Variants in DYNC1I1 observed in about 807,000 individuals in gnomAD.
DYNC1I1 encodes the protein dynein cytoplasmic 1 intermediate chain 1, also known as cytoplasmic dynein 1 intermediate chain 1.
A neutral mutation model predicts 86.6 loss-of-function variants in DYNC1I1; 43 were observed. The observed-to-expected ratio is 0.50, with a 90% CI of 0.39 to 0.64. DYNC1I1 has a LOEUF of 0.64. DYNC1I1 is among the 30% of genes least tolerant of loss of function. DYNC1I1 has a pLI of 0.00. For synonymous variants in DYNC1I1, 262 were observed against 283.7 expected, an observed-to-expected ratio of 0.92 and a Z score of 0.77; for missense variants, 604 against 788.8, an observed-to-expected ratio of 0.77 and a Z score of 2.81.
intron 6 of DYNC1I1, among the ~76,000 whole-genome samples, chr7:95,891,212 T>A (rs1026744364): frequency 6.6e-6 from 1 of 152,166 alleles, no homozygotes; most frequent in Non-Finnish European, 1.5e-5. Context: ...TGCTGACACC[T>A]TCACTTGGAT....
chr7:96,106,919 CT>C (rs1408913641), intron 16 of DYNC1I1, among the ~76,000 whole-genome samples: 4 of 152,028 alleles, frequency 2.6e-5, no homozygotes, highest in Admixed American at 6.6e-5. Flanking sequence ...GTTCTATAAA[CT>C]TTTTTTATTT....
At chr7:96,041,622 G>C (rs7795963) in intron 14 of DYNC1I1, among the ~76,000 whole-genome samples, 40,048 of 152,024 alleles carry the variant, frequency 0.26, 5,339 homozygotes, top group East Asian at 0.33. Flanking sequence ...CCACCCAAGA[G>C]AGTAACATTA....
At chr7:95,792,524 A>T (rs577884147) in intron 1 of DYNC1I1, among the ~76,000 whole-genome samples, 2 of 152,282 alleles carry the variant, frequency 1.3e-5, no homozygotes, top group South Asian at 2.1e-4. Context: ...CTTAGATAAT[A>T]CTTGTTTTGG....
rs139011107 is a variant in DYNC1I1, at chr7:95,828,970, A to G, written c.374+854A>G. 4.8e-3 allele frequency among the ~76,000 whole-genome samples: 726 copies of G among 152,276 alleles called. 5 individuals are homozygous for G. The highest frequency in any genetic ancestry group is 0.017 in the African/African-American group (697 of 41,560). On this transcript the variant is annotated intron_variant, in intron 5 of 16. Transcript: ENST00000447467. ...AATCAGCCACGGTGGAAGTATTTAC[A>G]CCACAGAAATTGCCTCCTTTCCTAC...
chr7:95,882,540 T>C (rs978182008), intron 6 of DYNC1I1, among the ~76,000 whole-genome samples: 16 of 152,202 alleles, frequency 1.1e-4, no homozygotes, highest in Admixed American at 9.8e-4. Flanking sequence ...CTTCAGGTGC[T>C]CTGAATAAGT....
chr7:95,977,400 A>C, intron 6 of DYNC1I1, 112 bp from the exon 7 acceptor site: 1 of 809,038 alleles, frequency 1.2e-6, no homozygotes, highest in South Asian at 1.9e-5. Context: ...ATTTACTTAG[A>C]TGTTGCCCTA....
chr7:95,888,541 C>T (rs568815390), intron 6 of DYNC1I1, among the ~76,000 whole-genome samples: 1 of 152,094 alleles, frequency 6.6e-6, no homozygotes, highest in Non-Finnish European at 1.5e-5. Flanking sequence ...GTGTCTTTGC[C>T]ACCATTGACC....
At chr7:95,869,369 TGTTA>T (rs1420424975) in intron 5 of DYNC1I1, among the ~76,000 whole-genome samples, 2 of 152,202 alleles carry the variant, frequency 1.3e-5, no homozygotes, top group African/African-American at 2.4e-5. Flanking sequence ...TGCTAATCTG[TGTTA>T]GTTCCTATTC....
At chr7:95,860,029 AG>A (rs1157430167) in intron 5 of DYNC1I1, among the ~76,000 whole-genome samples, 1 of 152,126 alleles carries the variant, frequency 6.6e-6, no homozygotes, top group Non-Finnish European at 1.5e-5. Flanking sequence ...TGCTACAACC[AG>A]GTTCTATGAT....
Position 95,987,140 on chromosome 7 carries a change from G to A in DYNC1I1, c.828G>A (p.Met276Ile). ...CCAAGCATCGAGTGGTCACTTGTATGGACTGGTCCCTCCAGGTAAGAATTA... is the reference window on the plus strand; with the variant it reads ...CCAAGCATCGAGTGGTCACTTGTATAGACTGGTCCCTCCAGGTAAGAATTA... ...HWSKHRVVTC[M>I]DWSLQYPELM... The change falls in exon 9 of 17, where the codon ATG becomes ATA. Residue 276 changes from methionine (M) to isoleucine (I), a missense_variant. Physicochemically the swap from Met to Ile is conservative, Grantham distance 10. Transcript: ENST00000447467. The A allele has an allele frequency of 6.2e-7, 1 of 1,613,832 alleles. No homozygotes were observed. The highest frequency in any genetic ancestry group is 8.5e-7 in the Non-Finnish European group (1 of 1,179,824).
At chr7:95,790,970 C>T (rs773858400) in intron 1 of DYNC1I1, among the ~76,000 whole-genome samples, 1 of 152,022 alleles carries the variant, frequency 6.6e-6, no homozygotes, top group Non-Finnish European at 1.5e-5. Flanking sequence ...CAAATTCATA[C>T]GTATTTTGTA....
At chr7:95,827,201 T>A (rs570686191) in intron 4 of DYNC1I1, among the ~76,000 whole-genome samples, 1 of 152,282 alleles carries the variant, frequency 6.6e-6, no homozygotes, top group African/African-American at 2.4e-5. Context: ...AAGATTTGAA[T>A]CACAGATGCC....
chr7:95,982,583 G>A (rs987850042), intron 7 of DYNC1I1, among the ~76,000 whole-genome samples: 2 of 151,904 alleles, frequency 1.3e-5, no homozygotes, highest in African/African-American at 4.8e-5. Context: ...AAATAGAAGT[G>A]GCTCAAAAAG....
intron 10 of DYNC1I1, among the ~76,000 whole-genome samples, chr7:96,007,637 T>C (rs968988247): frequency 1.4e-4 from 21 of 152,084 alleles, no homozygotes; most frequent in Admixed American, 3.3e-4. Flanking sequence ...TTTTCATTGT[T>C]ACCTACATAA....
At chr7:95,906,852 C>T (rs1292757025) in intron 6 of DYNC1I1, among the ~76,000 whole-genome samples, 1 of 152,022 alleles carries the variant, frequency 6.6e-6, no homozygotes, top group East Asian at 1.9e-4. Context: ...CATTGGGCAG[C>T]CCAGTCTTCA....
chr7:96,031,844 T>C (rs528010815), intron 11 of DYNC1I1, among the ~76,000 whole-genome samples: 3 of 152,294 alleles, frequency 2.0e-5, no homozygotes, highest in South Asian at 2.1e-4. Flanking sequence ...GTTCTGCTCA[T>C]AGTAACCTTC....
intron 6 of DYNC1I1, among the ~76,000 whole-genome samples, chr7:95,919,653 C>A (rs1204553609): frequency 6.6e-6 from 1 of 151,998 alleles, no homozygotes; most frequent in African/African-American, 2.4e-5. Context: ...CTGTCACATA[C>A]CAAATCTAAA....
chr7:95,870,166 C>T (rs1790125586), intron 6 of DYNC1I1, among the ~76,000 whole-genome samples, 168 bp downstream of exon 6: 1 of 152,180 alleles, frequency 6.6e-6, no homozygotes, highest in Non-Finnish European at 1.5e-5. Flanking sequence ...GGAGAGGGAA[C>T]TCGGTGATAC....
intron 1 of DYNC1I1, among the ~76,000 whole-genome samples, chr7:95,775,287 A>G (rs966689446): frequency 2.6e-5 from 4 of 152,204 alleles, no homozygotes; most frequent in Non-Finnish European, 5.9e-5. Context: ...TAATTTTCAT[A>G]TATTGAATAC....
Sources: gnomAD v4.1 joint callset for allele counts (sites outside exome capture counted in the v4.1 genomes callset) on GRCh38, gnomAD v4.1.1 for gene constraint, MANE v1.5 for transcripts, NCBI Gene and HGNC (gene_info 2026-07-23, HGNC 2026-07-21) for gene names.